Variants in ITPR2 observed in about 807,000 individuals in gnomAD.
ITPR2 encodes the protein inositol 1,4,5-trisphosphate-gated calcium channel ITPR2.
A neutral mutation model predicts 317.1 loss-of-function variants in ITPR2; 207 were observed. The observed-to-expected ratio is 0.65, with a 90% CI of 0.58 to 0.73. ITPR2 has a LOEUF of 0.73. ITPR2 is among the 30% of genes least tolerant of loss of function. ITPR2 has a pLI of 0.00. For synonymous variants in ITPR2, 1,156 were observed against 1,149.1 expected (o/e 1.01, Z -0.12); for missense variants, 2,613 against 3,284.0 (o/e 0.80, Z 4.99).
At chr12:26,356,989 A>T (rs1938660908) in intron 55 of ITPR2, among the ~76,000 whole-genome samples, 1 of 152,250 alleles carries the variant, frequency 6.6e-6, no homozygotes, top group Non-Finnish European at 1.5e-5. Flanking sequence ...CTAATACATG[A>T]TGAAGCCAGT....
rs529723513 is a variant in ITPR2, at chr12:26,675,575, T to C, written c.1409+6299A>G. On this transcript the variant is annotated intron_variant, in intron 13 of 56. Transcript: ENST00000381340. ...GTGGGGGAAGGGGGGAGGGATAGCA[T>C]TGGGAGATATACCTAATGCTAGATG... Among the ~76,000 whole-genome samples, 14 of 152,160 alleles carry C rather than the reference T, an allele frequency of 9.2e-5. No homozygotes were observed. The South Asian group carries it at 2.1e-3, about 23-fold the overall frequency.
At chr12:26,363,415 T>C in intron 55 of ITPR2, among the ~76,000 whole-genome samples, 1 of 152,172 alleles carries the variant, frequency 6.6e-6, no homozygotes, top group East Asian at 1.9e-4. Context: ...ACAATAAATG[T>C]AATGCACTTG....
In ITPR2 at chr12:26,789,344, T is replaced by A. The variant is rs567093098; in HGVS notation, c.163+813A>T. ...AAATATTAACCCAATGCTAACTGTCTCCCTTTTCCATTGCAGTAAGCAGCA... is the reference window on the plus strand; with the variant it reads ...AAATATTAACCCAATGCTAACTGTCACCCTTTTCCATTGCAGTAAGCAGCA... On this transcript the variant is annotated intron_variant, in intron 2 of 56. Transcript: ENST00000381340. 5.8e-4 allele frequency among the ~76,000 whole-genome samples: 89 copies of A among 152,302 alleles called. 1 individual carries two copies. Among genetic ancestry groups the A allele is most frequent in the Non-Finnish European group, 1.0e-3 (70 of 68,022 alleles).
intron 2 of ITPR2, among the ~76,000 whole-genome samples, chr12:26,751,172 T>A (rs563374271): frequency 6.6e-6 from 1 of 152,214 alleles, no homozygotes; most frequent in Non-Finnish European, 1.5e-5. Context: ...TTCAATAATG[T>A]GGGCAACTCA....
At chr12:26,439,684 A>G (rs993847406) in intron 46 of ITPR2, among the ~76,000 whole-genome samples, 5 of 152,198 alleles carry the variant, frequency 3.3e-5, no homozygotes, top group African/African-American at 7.2e-5. Flanking sequence ...CCTTAAACAT[A>G]GCGCTTATGT....
chr12:26,411,377 T>A lies in ITPR2; in HGVS notation c.7342A>T (p.Met2448Leu). ...HQVPTMTLTTMMEACAKENCS... is the reference protein window; with the variant it reads ...HQVPTMTLTTLMEACAKENCS... ...TTCTCCTTGGCACATGCTTCCATCATGGTAGTTAAAGTCATAGTAGGCACT... is the reference window on the plus strand; with the variant it reads ...TTCTCCTTGGCACATGCTTCCATCAAGGTAGTTAAAGTCATAGTAGGCACT... The change falls in exon 52 of 57, where the codon ATG becomes TTG. Residue 2448 changes from methionine (M) to leucine (L), a missense_variant. Met to Leu is a conservative substitution (Grantham distance 15). Transcript: ENST00000381340. The A allele has an allele frequency of 6.2e-7, 1 of 1,613,626 alleles. No homozygotes were observed. The highest frequency in any genetic ancestry group is 2.2e-5 in the East Asian group (1 of 44,826).
chr12:26,367,622 G>A (rs1299116277), intron 55 of ITPR2, among the ~76,000 whole-genome samples: 1 of 152,184 alleles, frequency 6.6e-6, no homozygotes, highest in East Asian at 1.9e-4. Flanking sequence ...ATGAAGAGAA[G>A]TAATCTGGCA....
intron 10 of ITPR2, among the ~76,000 whole-genome samples, chr12:26,688,268 T>C (rs1948167455): frequency 6.6e-6 from 1 of 152,072 alleles, no homozygotes; most frequent in African/African-American, 2.4e-5. Context: ...CTCGAACTCT[T>C]GAGCTCAAGC....
chr12:26,632,077 C>T lies in ITPR2; in HGVS notation c.2741-18G>A, dbSNP rs200135783. Reference sequence around the variant, plus strand: ...ATTGTTTCCTGGCATGAGAAAATGCCGTAAGTCAACACACACAACCCCTGG... The same window carrying T: ...ATTGTTTCCTGGCATGAGAAAATGCTGTAAGTCAACACACACAACCCCTGG... On this transcript the variant is annotated intron_variant, in intron 21 of 56. Coordinates refer to ENST00000381340, the MANE Select transcript of ITPR2 (RefSeq NM_002223.4). 4.5e-4 allele frequency: 676 copies of T among 1,513,372 alleles called. 1 individual carries two copies. The highest frequency in any genetic ancestry group is 5.5e-4 in the Non-Finnish European group (627 of 1,131,478). The allele number at this position is 1,513,372 out of a possible 1,614,324, so 93.7% of individuals were successfully genotyped here. A position where few individuals can be genotyped will look rare whatever the true frequency, so the allele number is the denominator to read the frequency against.
intron 49 of ITPR2, 46 bp downstream of exon 49, chr12:26,427,867 T>C (rs1040673161): frequency 7.8e-7 from 1 of 1,277,332 alleles, no homozygotes; most frequent in South Asian, 2.5e-5. Context: ...TTTCATACAC[T>C]TTTAAACTAA....
intron 2 of ITPR2, among the ~76,000 whole-genome samples, chr12:26,767,150 G>A (rs957335349): frequency 9.9e-5 from 15 of 152,096 alleles, no homozygotes; most frequent in Non-Finnish European, 1.5e-4. Flanking sequence ...GCAGCAGGCC[G>A]GCCTCCTTCT....
At chr12:26,346,603 T>C (rs994445794) in intron 55 of ITPR2, among the ~76,000 whole-genome samples, 1 of 149,194 alleles carries the variant, frequency 6.7e-6, no homozygotes, top group African/African-American at 2.5e-5. Flanking sequence ...CAGCCTGGGC[T>C]ACAAGAGTAA....
chr12:26,369,206 C>T (rs1033837859), intron 55 of ITPR2, among the ~76,000 whole-genome samples: 6 of 152,178 alleles, frequency 3.9e-5, no homozygotes, highest in African/African-American at 7.2e-5. Flanking sequence ...CAAGAAGGTT[C>T]GGGTTTATTC....
chr12:26,456,050 A>G (rs1473616786), intron 45 of ITPR2, among the ~76,000 whole-genome samples: 1 of 152,206 alleles, frequency 6.6e-6, no homozygotes, highest in African/African-American at 2.4e-5. Flanking sequence ...ATTCTTTCAG[A>G]GGCATTTGAA....
intron 55 of ITPR2, among the ~76,000 whole-genome samples, chr12:26,362,708 T>C (rs555232185): frequency 1.2e-4 from 19 of 152,346 alleles, no homozygotes; most frequent in African/African-American, 3.6e-4. Context: ...CTGACGTTCT[T>C]GGTCTCTTGC....
chr12:26,765,078 G>A (rs991266385), intron 2 of ITPR2, among the ~76,000 whole-genome samples: 2 of 152,042 alleles, frequency 1.3e-5, no homozygotes, highest in African/African-American at 4.8e-5. Context: ...GAAGCTCTAA[G>A]TGGCATAACC....
chr12:26,728,096 C>T (rs756330149), intron 2 of ITPR2, among the ~76,000 whole-genome samples: 7 of 152,106 alleles, frequency 4.6e-5, no homozygotes, highest in Non-Finnish European at 8.8e-5. Context: ...GACTATACCC[C>T]ATGGAAAACG....
intron 1 of ITPR2, among the ~76,000 whole-genome samples, chr12:26,800,018 C>G (rs578034951): frequency 6.6e-6 from 1 of 152,274 alleles, no homozygotes; most frequent in South Asian, 2.1e-4. Context: ...TTTTCACCAC[C>G]TGGTTGACAC....
intron 2 of ITPR2, among the ~76,000 whole-genome samples, chr12:26,738,183 T>C (rs1949163993): frequency 6.6e-6 from 1 of 152,212 alleles, no homozygotes; most frequent in Non-Finnish European, 1.5e-5. Context: ...ACTGGAAATT[T>C]TAAAGGTTAG....
Sources: allele counts gnomAD v4.1 joint callset (sites outside exome capture counted in the v4.1 genomes callset), GRCh38; gene constraint gnomAD v4.1.1; transcripts MANE v1.5; gene names NCBI Gene and HGNC (gene_info 2026-07-23, HGNC 2026-07-21).